Variants in QKI observed in about 807,000 individuals in gnomAD.
QKI encodes the protein QKI, KH domain containing RNA binding, also known as KH domain-containing RNA-binding protein QKI.
In QKI, 10 loss-of-function variants were observed where a neutral mutation model predicts 39.0. That is an observed-to-expected ratio of 0.26 (90% confidence interval 0.16 to 0.43). The LOEUF is 0.43. QKI is among the 20% of genes least tolerant of loss of function. The pLI, the probability that QKI is intolerant of heterozygous loss-of-function variation, is 1.00. For synonymous variants in QKI, 204 were observed against 155.4 expected (o/e 1.31, Z -2.33); for missense variants, 218 against 428.0 (o/e 0.51, Z 4.33).
chr6:163,447,005 T>C (rs1790204396), intron 1 of QKI, among the ~76,000 whole-genome samples: 1 of 152,176 alleles, frequency 6.6e-6, no homozygotes, highest in Non-Finnish European at 1.5e-5. Context: ...CATACTGGTC[T>C]ACACTTATTA....
At chr6:163,490,207 A>G (rs1028724806) in intron 3 of QKI, among the ~76,000 whole-genome samples, 4 of 152,238 alleles carry the variant, frequency 2.6e-5, no homozygotes, top group African/African-American at 9.6e-5. Context: ...AGTCTAAACC[A>G]TATTTGTGAT....
At chr6:163,415,836 A>G in intron 1 of QKI, 1 of 477,302 alleles carries the variant, frequency 2.1e-6, no homozygotes. Context: ...CCCTCCCGTG[A>G]GGACTAAAGC....
chr6:163,557,310 G>T (rs1782689974), intron 4 of QKI, among the ~76,000 whole-genome samples: 2 of 152,182 alleles, frequency 1.3e-5, no homozygotes, highest in African/African-American at 2.4e-5. Context: ...TTCTGGGTTT[G>T]TGGAAATGTC....
chr6:163,564,861 G>A, intron 6 of QKI: 1 of 1,415,990 alleles, frequency 7.1e-7, no homozygotes, highest in Non-Finnish European at 9.2e-7. Flanking sequence ...CTGCATGCAT[G>A]CTGTTGACTT....
intron 1 of QKI, among the ~76,000 whole-genome samples, chr6:163,420,604 G>T (rs1787919622): frequency 6.6e-6 from 1 of 152,002 alleles, no homozygotes; most frequent in South Asian, 2.1e-4. Context: ...TTTTTCTCCA[G>T]TCCCTCCTGT....
At position 163,434,522 on chromosome 6, in the gene QKI, T is replaced by C. The variant is rs543542863; in HGVS notation, c.142+19187T>C. Among the ~76,000 whole-genome samples the C allele has an allele frequency of 1.8e-4, 28 of 152,170 alleles. No individual in the cohort carries two copies. In the East Asian group the frequency reaches 5.0e-3, roughly 27 times the overall value. On this transcript the variant is annotated intron_variant, in intron 1 of 7. Transcript: ENST00000361752. ...TGAGGTCAGGAGATCGAGACCATCC[T>C]GGCTAACACAGTGAAACCCCCTCTC...
At chr6:163,470,131 C>T (rs559389710) in intron 2 of QKI, among the ~76,000 whole-genome samples, 3 of 152,094 alleles carry the variant, frequency 2.0e-5, no homozygotes, top group Admixed American at 1.3e-4. Context: ...AGGATATAAC[C>T]GTGTTTTGGG....
At chr6:163,560,200 A>C (rs1782908505) in intron 4 of QKI, among the ~76,000 whole-genome samples, 1 of 152,178 alleles carries the variant, frequency 6.6e-6, no homozygotes, top group African/African-American at 2.4e-5. Flanking sequence ...CATGGAGCTT[A>C]CTTTGGGAGT....
chr6:163,417,911 T>C (rs1787660957), intron 1 of QKI, among the ~76,000 whole-genome samples: 1 of 152,202 alleles, frequency 6.6e-6, no homozygotes, highest in Non-Finnish European at 1.5e-5. Flanking sequence ...AGCGGCTTCC[T>C]GTAATTGTTA....
At chr6:163,491,918 G>A (rs1778079338) in intron 3 of QKI, among the ~76,000 whole-genome samples, 1 of 152,190 alleles carries the variant, frequency 6.6e-6, no homozygotes, top group Non-Finnish European at 1.5e-5. Context: ...CATGTCTAAT[G>A]AAATGAGACG....
chr6:163,476,583 A>G (rs1216113737), intron 2 of QKI, among the ~76,000 whole-genome samples: 1 of 152,222 alleles, frequency 6.6e-6, no homozygotes, highest in Non-Finnish European at 1.5e-5. Flanking sequence ...TTTCTAGAGA[A>G]AAAACTAGCC....
rs1777653793 is a variant in QKI at position 163,577,624 on chromosome 6, A to C, written c.*6914A>C. On this transcript the variant is annotated 3_prime_UTR_variant, in exon 8 of 8. Coordinates refer to ENST00000361752, the MANE Select transcript of QKI (RefSeq NM_006775.3). ...CTCTAGTGTCACACTTGGGCTGTTG[A>C]TTTTCTTACTCTTCTCTTGCTTTAA... is the stretch of plus-strand genomic sequence containing the variant. The C allele has an allele frequency of 6.6e-6, 1 of 152,220 alleles. No individual in the cohort carries two copies. The highest frequency in any genetic ancestry group is 2.4e-5 in the African/African-American group (1 of 41,284). 9.4% of individuals were successfully genotyped at this position (152,220 alleles called of 1,614,324 possible). A position where few individuals can be genotyped will look rare whatever the true frequency, so the allele number is the denominator to read the frequency against.
intron 3 of QKI, among the ~76,000 whole-genome samples, chr6:163,483,955 A>G (rs952348526): frequency 2.6e-5 from 4 of 152,214 alleles, no homozygotes; most frequent in African/African-American, 9.7e-5. Flanking sequence ...TTACTCCTTG[A>G]TCCATGGGTT....
chr6:163,480,232 GGTCT>G (rs200667684), intron 3 of QKI, among the ~76,000 whole-genome samples: 63 of 151,904 alleles, frequency 4.1e-4, no homozygotes, highest in Middle Eastern at 3.4e-3. Flanking sequence ...AGGAAGGTTT[GGTCT>G]GTCTGTCTGT....
intron 4 of QKI, among the ~76,000 whole-genome samples, chr6:163,556,295 C>T (rs1782603063): frequency 6.6e-6 from 1 of 151,942 alleles, no homozygotes; most frequent in African/African-American, 2.4e-5. Context: ...GGTAGATCAC[C>T]TGAGGTCAGG....
intron 6 of QKI, chr6:163,565,538 T>A (rs1206506757): frequency 3.6e-5 from 36 of 990,316 alleles, no homozygotes; most frequent in Non-Finnish European, 4.0e-5. Flanking sequence ...TCATGTCTTT[T>A]GTTTGTTGGA....
At chr6:163,482,986 C>G (rs1376257898) in intron 3 of QKI, among the ~76,000 whole-genome samples, 1 of 152,076 alleles carries the variant, frequency 6.6e-6, no homozygotes, top group Non-Finnish European at 1.5e-5. Flanking sequence ...TGAGACTATC[C>G]AGGGCCCCCA....
At chr6:163,431,352 T>C (rs959971931) in intron 1 of QKI, among the ~76,000 whole-genome samples, 4 of 152,190 alleles carry the variant, frequency 2.6e-5, no homozygotes, top group African/African-American at 9.6e-5. Flanking sequence ...AAAATTAAGA[T>C]GTGCTGTTTT....
intron 3 of QKI, among the ~76,000 whole-genome samples, chr6:163,498,690 G>GT (rs1404497029): frequency 6.6e-6 from 1 of 151,846 alleles, no homozygotes; most frequent in Non-Finnish European, 1.5e-5. Flanking sequence ...TATTACACTA[G>GT]TTTTTAGAAA....
Sources: allele counts gnomAD v4.1 joint callset (sites outside exome capture counted in the v4.1 genomes callset), GRCh38; gene constraint gnomAD v4.1.1; transcripts MANE v1.5; gene names NCBI Gene and HGNC (gene_info 2026-07-23, HGNC 2026-07-21).